Variants in NELL2 observed in about 807,000 individuals in gnomAD.
NELL2 encodes protein kinase C-binding protein NELL2.
NELL2 carries 41 observed loss-of-function variants against 109.6 expected under a neutral mutation model. That is an observed-to-expected ratio of 0.37 (90% CI 0.29 to 0.49). The LOEUF (loss-of-function observed/expected upper bound fraction) is 0.49. NELL2 is among the 20% of genes least tolerant of loss of function. The pLI is 0.98. For synonymous variants in NELL2, 355 were observed against 344.7 expected (o/e 1.03, Z -0.33); for missense variants, 900 against 1,008.3 (o/e 0.89, Z 1.45).
intron 2 of NELL2, among the ~76,000 whole-genome samples, chr12:44,873,603 C>G (rs1384978519): frequency 6.6e-6 from 1 of 152,052 alleles, no homozygotes; most frequent in Admixed American, 6.5e-5. Context: ...AAGAGCACTA[C>G]AATACCATTT....
At chr12:44,712,725 T>A (rs770518169) in intron 10 of NELL2, among the ~76,000 whole-genome samples, 2 of 152,020 alleles carry the variant, frequency 1.3e-5, no homozygotes, top group Non-Finnish European at 2.9e-5. Context: ...AGTCACTAGG[T>A]ACATGTGGCT....
chr12:44,822,165 T>G (rs1943567373), intron 2 of NELL2, among the ~76,000 whole-genome samples: 1 of 152,160 alleles, frequency 6.6e-6, no homozygotes, highest in Admixed American at 6.5e-5. Context: ...AGGAACAAAC[T>G]TTGAAGCCAG....
chr12:44,700,961 G>C (rs1157114381), intron 12 of NELL2, among the ~76,000 whole-genome samples: 1 of 152,062 alleles, frequency 6.6e-6, no homozygotes, highest in East Asian at 1.9e-4. Context: ...CTCAATTACA[G>C]TCATATCATT....
intron 1 of NELL2, among the ~76,000 whole-genome samples, chr12:44,893,972 A>T (rs1945565126): frequency 6.6e-6 from 1 of 152,210 alleles, no homozygotes; most frequent in Non-Finnish European, 1.5e-5. Context: ...AAAATAAACG[A>T]AAAAGACATA....
At chr12:44,620,405 T>C (rs999586177) in intron 13 of NELL2, among the ~76,000 whole-genome samples, 5 of 152,136 alleles carry the variant, frequency 3.3e-5, no homozygotes, top group Non-Finnish European at 7.4e-5. Context: ...TGTCTCAATC[T>C]AACATGCAAA....
chr12:44,551,489 A>T (rs191799075), intron 15 of NELL2, among the ~76,000 whole-genome samples: 16 of 150,660 alleles, frequency 1.1e-4, no homozygotes, highest in Admixed American at 9.8e-4. Context: ...AGATCTGTAT[A>T]GCAGGAGTAA....
intron 15 of NELL2, among the ~76,000 whole-genome samples, chr12:44,560,321 T>C (rs1943421024): frequency 6.6e-6 from 1 of 151,872 alleles, no homozygotes; most frequent in Non-Finnish European, 1.5e-5. Flanking sequence ...AAGAAATAAT[T>C]AAGATCAGAG....
At chr12:44,911,853 A>C (rs1945783188) in intron 1 of NELL2, among the ~76,000 whole-genome samples, 1 of 151,948 alleles carries the variant, frequency 6.6e-6, no homozygotes, top group Non-Finnish European at 1.5e-5. Context: ...GTAAAGTCAC[A>C]GGTGATACTT....
intron 3 of NELL2, among the ~76,000 whole-genome samples, chr12:44,805,477 G>C (rs1259365951): frequency 1.3e-5 from 2 of 151,838 alleles, no homozygotes; most frequent in Non-Finnish European, 2.9e-5. Flanking sequence ...AAATCAGTGA[G>C]AAAACAGTGA....
chr12:44,746,549 T>G (rs971118320), intron 9 of NELL2, among the ~76,000 whole-genome samples: 3 of 152,110 alleles, frequency 2.0e-5, no homozygotes, highest in African/African-American at 7.2e-5. Context: ...AACCTACTCA[T>G]CTGACAAAGG....
At chr12:44,764,281 A>G (rs749792859) in intron 9 of NELL2, among the ~76,000 whole-genome samples, 4 of 152,148 alleles carry the variant, frequency 2.6e-5, no homozygotes, top group Non-Finnish European at 5.9e-5. Flanking sequence ...ACCAGAAGGC[A>G]TTTGCTTTTG....
At chr12:44,651,229 A>G (rs1947289750) in intron 13 of NELL2, among the ~76,000 whole-genome samples, 1 of 152,208 alleles carries the variant, frequency 6.6e-6, no homozygotes, top group Non-Finnish European at 1.5e-5. Flanking sequence ...CCTGGTGCCA[A>G]AAAGATTGGG....
chr12:44,861,540 C>A (rs927537638), intron 2 of NELL2, among the ~76,000 whole-genome samples: 1 of 152,230 alleles, frequency 6.6e-6, no homozygotes, highest in African/African-American at 2.4e-5. Flanking sequence ...CAAGCAGCTG[C>A]AGCAGCCATG....
chr12:44,601,046 A>T (rs1476512749), intron 15 of NELL2, among the ~76,000 whole-genome samples: 1 of 152,178 alleles, frequency 6.6e-6, no homozygotes, highest in African/African-American at 2.4e-5. Context: ...TATTGAAAAA[A>T]ATAATATTTT....
At chr12:44,667,017 C>T (rs923129750) in intron 12 of NELL2, among the ~76,000 whole-genome samples, 1 of 152,140 alleles carries the variant, frequency 6.6e-6, no homozygotes, top group African/African-American at 2.4e-5. Context: ...TTTAAATGTC[C>T]CTCCTACAAA....
intron 9 of NELL2, among the ~76,000 whole-genome samples, chr12:44,738,310 CA>C (rs1849937581): frequency 6.6e-6 from 1 of 151,998 alleles, no homozygotes; most frequent in African/African-American, 2.4e-5. Context: ...GATATATATA[CA>C]AAAGATATGA....
intron 2 of NELL2, among the ~76,000 whole-genome samples, chr12:44,831,486 T>C (rs1241645495): frequency 6.6e-6 from 1 of 152,218 alleles, no homozygotes; most frequent in East Asian, 1.9e-4. Flanking sequence ...TGTTTACCTC[T>C]CTGTGGCAGA....
intron 13 of NELL2, among the ~76,000 whole-genome samples, chr12:44,620,524 A>G (rs1433802432): frequency 2.6e-5 from 4 of 152,118 alleles, no homozygotes; most frequent in Admixed American, 6.5e-5. Context: ...TCCTCAGCAC[A>G]TTACTTCACC....
Position 44,703,869 on chromosome 12 carries a change from AG to A in NELL2, c.1190-16del, listed in dbSNP as rs2136421180. 6.2e-7 allele frequency: 1 copy of A among 1,601,568 alleles called. No homozygotes were observed. On this transcript the variant is annotated splice_polypyrimidine_tract_variant and intron_variant, in intron 11 of 19. Transcript: ENST00000429094. Reference sequence around the variant, plus strand: ...AAAGTCATAACCTACAGAAAAAAAAAGAAATTTATTAAGGTAAATGAAACTA... The same window carrying A: ...AAAGTCATAACCTACAGAAAAAAAAAAAATTTATTAAGGTAAATGAAACTA...
Sources: allele counts gnomAD v4.1 joint callset (sites outside exome capture counted in the v4.1 genomes callset), GRCh38; gene constraint gnomAD v4.1.1; transcripts MANE v1.5; gene names NCBI Gene and HGNC (gene_info 2026-07-23, HGNC 2026-07-21).